The following CHAT variants were observed in gnomAD, a reference collection of about 807,000 sequenced individuals.
CHAT encodes the protein choline O-acetyltransferase, also known as acetyl CoA:choline O-acetyltransferase.
A neutral mutation model predicts 76.9 loss-of-function variants in CHAT; 61 were observed. The observed-to-expected ratio is 0.79, with a 90% CI of 0.65 to 0.98. The LOEUF (loss-of-function observed/expected upper bound fraction) is 0.98. Ranked by LOEUF, CHAT falls within the 50% of genes least tolerant of loss-of-function variation. The pLI, the probability that CHAT is intolerant of heterozygous loss-of-function variation, is 0.00. For synonymous variants in CHAT, 407 were observed against 397.4 expected, an observed-to-expected ratio of 1.02 and a Z score of -0.29; for missense variants, 946 against 986.9, an observed-to-expected ratio of 0.96 and a Z score of 0.56.
At chr10:49,612,222 C>A, upstream of CHAT, 1 of 1,609,144 alleles carries the variant, frequency 6.2e-7, no homozygotes, top group Non-Finnish European at 8.5e-7. Flanking sequence ...AAGGTCTGTA[C>A]GATGCGGTGC....
intron 5 of CHAT, among the ~76,000 whole-genome samples, chr10:49,625,024 T>C (rs112623211): frequency 0.013 from 1,899 of 151,572 alleles, 42 homozygotes; most frequent in African/African-American, 0.044. Flanking sequence ...AAAGGAAGGA[T>C]AGGCACAAGG....
intron 13 of CHAT, among the ~76,000 whole-genome samples, chr10:49,662,300 GA>G (rs1840217506): frequency 1.3e-5 from 2 of 152,238 alleles, no homozygotes; most frequent in Non-Finnish European, 1.5e-5. Flanking sequence ...TAGTTGAGAA[GA>G]CCAGGCCAGC....
chr10:49,610,908 A>T, upstream of CHAT: 1 of 1,612,428 alleles, frequency 6.2e-7, no homozygotes, highest in African/African-American at 1.3e-5. Context: ...TCGTGCCCAT[A>T]GTGCCCGACT....
At chr10:49,614,609 C>A (rs1590551593) in intron 1 of CHAT, 134 bp downstream of exon 1, 1 of 803,914 alleles carries the variant, frequency 1.2e-6, no homozygotes. Context: ...TCCTGCGCAG[C>A]AGCGGCCGTC....
chr10:49,649,700 C>T, intron 10 of CHAT, 64 bp downstream of exon 10: 1 of 1,579,432 alleles, frequency 6.3e-7, no homozygotes, highest in South Asian at 1.1e-5. Context: ...TGCCTACTAG[C>T]TCCCAAGGCT....
Position 49,649,529 on chromosome 10 carries a change from G to A in CHAT, c.1404G>A (p.Leu468=). ...GCAGGACGCAGAGCAGCAGGAAGCTGATCCGAGCAGACTCCGTCAGCGAGC... is the reference window on the plus strand; with the variant it reads ...GCAGGACGCAGAGCAGCAGGAAGCTAATCCGAGCAGACTCCGTCAGCGAGC... ...LKHVTQSSRK[L]IRADSVSELP... is the part of the protein sequence containing the mutation. Residue 468 remains leucine, a synonymous_variant, in exon 10 of 15, where the codon CTG becomes CTA. Transcript: ENST00000337653. 6.2e-7 allele frequency: 1 copy of A among 1,613,888 alleles called. No homozygotes were observed. The highest frequency in any genetic ancestry group is 1.1e-5 in the South Asian group (1 of 91,086).
chr10:49,612,188 A>G (rs761525631), upstream of CHAT: 18 of 1,609,652 alleles, frequency 1.1e-5, no homozygotes, highest in South Asian at 2.0e-4. Flanking sequence ...TCCGAGCGCG[A>G]TGTGCTGCTT....
At position 49,627,684 on chromosome 10, in the gene CHAT, T is replaced by C. The variant is rs1164801260; in HGVS notation, c.1010T>C (p.Val337Ala). ...CTGTTCACTCAGTTGAGAAAGATAG[T>C]CAAAATGGCTTCCAACGAGGACGAG... Reference protein sequence around the residue: ...GDLFTQLRKIVKMASNEDERL... With the variant: ...GDLFTQLRKIAKMASNEDERL... Residue 337 changes from valine to alanine, a missense_variant, in exon 7 of 15, where the codon GTC becomes GCC. Val to Ala is a moderately conservative substitution (Grantham distance 64, BLOSUM62 0). This residue lies in a region of CHAT where 548 missense variants were observed against 516.2 expected (regional missense o/e 1.06). Transcript: ENST00000337653. The C allele has an allele frequency of 1.9e-6, 3 of 1,614,018 alleles. No homozygotes were observed. The African/African-American group carries it at 4.0e-5, about 22-fold the overall frequency.
intron 8 of CHAT, among the ~76,000 whole-genome samples, chr10:49,646,933 A>C (rs917628472): frequency 2.0e-5 from 3 of 152,206 alleles, no homozygotes; most frequent in Non-Finnish European, 4.4e-5. Flanking sequence ...CAAACTCCCT[A>C]ACCTTCCTGC....
chr10:49,643,216 A>C (rs552025023), intron 7 of CHAT, among the ~76,000 whole-genome samples: 1 of 152,264 alleles, frequency 6.6e-6, no homozygotes, highest in Non-Finnish European at 1.5e-5. Flanking sequence ...GGTGCTCAAC[A>C]AAGGTTAGCT....
chr10:49,654,838 G>A (rs1331746430), intron 11 of CHAT, among the ~76,000 whole-genome samples: 6 of 151,898 alleles, frequency 4.0e-5, no homozygotes, highest in East Asian at 3.9e-4. Context: ...TTTTTGAAGC[G>A]CTACCCGTCA....
At chr10:49,619,635 G>A (rs894837763) in intron 2 of CHAT, 90 bp from the exon 3 acceptor site, 24 of 1,267,886 alleles carry the variant, frequency 1.9e-5, no homozygotes, top group Non-Finnish European at 2.7e-5. Context: ...CAACACAGGG[G>A]CAGAACAATA....
chr10:49,638,368 GT>G (rs1278576178), intron 7 of CHAT, among the ~76,000 whole-genome samples: 1 of 152,096 alleles, frequency 6.6e-6, no homozygotes, highest in African/African-American at 2.4e-5. Context: ...ATATAGCTGG[GT>G]AATGTTTTGT....
chr10:49,627,322 G>A (rs1039135044), intron 6 of CHAT, among the ~76,000 whole-genome samples: 1 of 152,222 alleles, frequency 6.6e-6, no homozygotes, highest in Non-Finnish European at 1.5e-5. Flanking sequence ...AACAGTAGCT[G>A]TGCCAATTTA....
chr10:49,655,520 G>A (rs1421755257), intron 13 of CHAT, 72 bp downstream of exon 13: 1 of 1,377,264 alleles, frequency 7.3e-7, no homozygotes, highest in Non-Finnish European at 1.0e-6. Context: ...TGGGCACCAC[G>A]GCATAAGACC....
chr10:49,653,459 C>T (rs1590617851), intron 11 of CHAT, among the ~76,000 whole-genome samples: 1 of 152,166 alleles, frequency 6.6e-6, no homozygotes, highest in African/African-American at 2.4e-5. Flanking sequence ...CCATGAAGGG[C>T]ATAAAGTTAC....
At chr10:49,614,581 C>T in intron 1 of CHAT, 106 bp downstream of exon 1, 1 of 992,738 alleles carries the variant, frequency 1.0e-6, no homozygotes, top group Non-Finnish European at 1.5e-6. Flanking sequence ...GGCCCCAGGA[C>T]TCGTGGAGTC....
At position 49,617,378 on chromosome 10, in the gene CHAT, G is replaced by A. The variant is rs796358119; in HGVS notation, c.387+776G>A. Among the ~76,000 whole-genome samples the A allele has an allele frequency of 1.1e-4, 16 of 152,186 alleles. 1 individual carries two copies. The highest frequency in any genetic ancestry group is 7.4e-5 in the Non-Finnish European group (5 of 68,022). On this transcript the variant is annotated intron_variant, in intron 2 of 14. Transcript: ENST00000337653. The stretch of plus-strand genomic sequence containing the variant: ...TCAGAGCAGGCTCTGTTTCTCCATC[G>A]TCTCTGAGTCCAGCCCAGGATCTGA...
intron 2 of CHAT, among the ~76,000 whole-genome samples, chr10:49,619,326 T>G (rs952852624): frequency 6.6e-6 from 1 of 152,148 alleles, no homozygotes; most frequent in African/African-American, 2.4e-5. Flanking sequence ...TTAAAAGCAC[T>G]TTCATATCTA....
Sources: allele counts gnomAD v4.1 joint callset (sites outside exome capture counted in the v4.1 genomes callset), GRCh38; gene constraint gnomAD v4.1.1; regional missense constraint gnomAD v4.1.1; transcripts MANE v1.5; gene names NCBI Gene and HGNC (gene_info 2026-07-23, HGNC 2026-07-21).